ESR2: variants seen among roughly 807,000 people sequenced by gnomAD.
The protein encoded by ESR2 is estrogen receptor beta.
ESR2 carries 36 observed loss-of-function variants against 49.6 expected under a neutral mutation model. The ratio of observed to expected loss-of-function variants is 0.73; its 90% CI spans 0.56 to 0.96. The LOEUF (loss-of-function observed/expected upper bound fraction) is 0.96. Among genes scored for constraint, ESR2 ranks in the 40% least tolerant of loss-of-function variants. The pLI is 0.00. For missense variants in ESR2, 714 were observed against 693.0 expected (o/e 1.03, Z -0.34); for synonymous variants, 320 against 266.1 (o/e 1.20, Z -1.97).
At position 64,283,922 on chromosome 14, in the gene ESR2, TTTTGG is replaced by T. The variant is rs2076737966; in HGVS notation, c.-90-852_-90-848del. ...TCTGTTGCTTCTCAGTTTTGTTTTG[TTTTGG>T]TTTTGTCTTTGTTTTTGAGACAAGG... On this transcript the variant is annotated intron_variant, in intron 1 of 8. Coordinates refer to ENST00000341099, the MANE Select transcript of ESR2 (RefSeq NM_001437.3). Among the ~76,000 whole-genome samples, 4 of 151,878 alleles carry T rather than the reference TTTTGG, an allele frequency of 2.6e-5. No individual in the cohort carries two copies. In the South Asian group the frequency reaches 6.2e-4, roughly 24 times the overall value.
At chr14:64,336,013 G>GTT (rs2077527187) in intron 1 of ESR2, 1 of 143,026 alleles carries the variant, frequency 7.0e-6, no homozygotes, top group Non-Finnish European at 1.5e-5. Flanking sequence ...GTGTGTGTGT[G>GTT]TGTGTGTGTG....
chr14:64,262,128 T>C (rs1256047), intron 4 of ESR2, among the ~76,000 whole-genome samples: 2 of 145,564 alleles, frequency 1.4e-5, no homozygotes, highest in South Asian at 4.3e-4. Context: ...TTTTTTTTTT[T>C]AAGAGACAAG....
intron 6 of ESR2, among the ~76,000 whole-genome samples, chr14:64,252,671 G>A (rs1474723324): frequency 6.6e-6 from 1 of 152,104 alleles, no homozygotes. Flanking sequence ...GCCGGGAGCT[G>A]CCAAACACTT....
chr14:64,251,153 C>T (rs2075979244), intron 6 of ESR2, among the ~76,000 whole-genome samples: 1 of 152,098 alleles, frequency 6.6e-6, no homozygotes, highest in African/African-American at 2.4e-5. Flanking sequence ...CTGATGCAGG[C>T]ATCCAGTAAG....
intron 8 of ESR2, 117 bp downstream of exon 8, chr14:64,234,853 C>T: frequency 6.6e-7 from 1 of 1,505,640 alleles, no homozygotes; most frequent in Non-Finnish European, 8.9e-7. Flanking sequence ...ATTCCCCATT[C>T]CCTTTCAGGC....
At chr14:64,312,380 T>C (rs2077196726) in intron 1 of ESR2, among the ~76,000 whole-genome samples, 1 of 152,088 alleles carries the variant, frequency 6.6e-6, no homozygotes, top group East Asian at 1.9e-4. Flanking sequence ...TAAATGTAAA[T>C]GGTCTAGATA....
intron 1 of ESR2, among the ~76,000 whole-genome samples, chr14:64,302,712 C>G (rs1238537849): frequency 1.3e-5 from 2 of 152,208 alleles, no homozygotes; most frequent in African/African-American, 4.8e-5. Context: ...CCCCACTTTA[C>G]AGGAAAAGTA....
In ESR2 at chr14:64,251,078, A is replaced by G. The variant is rs1353328041; in HGVS notation, c.1092-1399T>C. 5.3e-5 allele frequency among the ~76,000 whole-genome samples: 8 copies of G among 152,282 alleles called. No homozygotes were observed. In the South Asian group the frequency reaches 1.7e-3, roughly 32 times the overall value. ...TTAGAGAATCCAGAGCACTGGGCAA[A>G]GAGTGCCAAATCTACAGGAAGCCTC... On this transcript the variant is annotated intron_variant, in intron 6 of 8. Transcript: ENST00000341099.
upstream of ESR2, chr14:64,294,422 G>A (rs2076925974): frequency 6.6e-6 from 1 of 152,400 alleles, no homozygotes; most frequent in Non-Finnish European, 1.5e-5. Context: ...GGAGGGTAGA[G>A]GGGAGTAGTG....
chr14:64,283,089 C>A lies in ESR2; in HGVS notation c.-90-14G>T. ...CAAGTATAATGGCTGTAAAGAAACA[C>A]AGAAGATATTGCCAAGTTAGAGCTA... On this transcript the variant is annotated splice_polypyrimidine_tract_variant and intron_variant, in intron 1 of 8. Coordinates refer to ENST00000341099, the MANE Select transcript of ESR2 (RefSeq NM_001437.3). 2 of 1,209,994 alleles carry A rather than the reference C, an allele frequency of 1.7e-6. No homozygotes were observed. The highest frequency in any genetic ancestry group is 2.3e-6 in the Non-Finnish European group (2 of 874,528). 75.0% of individuals were successfully genotyped at this position (1,209,994 alleles called of 1,614,324 possible). A position where few individuals can be genotyped will look rare whatever the true frequency, so the allele number is the denominator to read the frequency against.
chr14:64,303,437 G>A (rs1434253437), intron 1 of ESR2: 2 of 148,906 alleles, frequency 1.3e-5, no homozygotes, highest in African/African-American at 5.0e-5. Context: ...GTCAGGGTCA[G>A]TAGTTTGTCT....
intron 3 of ESR2, among the ~76,000 whole-genome samples, chr14:64,269,535 G>T (rs143055284): frequency 6.6e-6 from 1 of 152,290 alleles, no homozygotes; most frequent in East Asian, 1.9e-4. Flanking sequence ...CTTGACCACA[G>T]GACTTTTTAT....
At chr14:64,240,541 G>C (rs2075699173) in intron 7 of ESR2, among the ~76,000 whole-genome samples, 1 of 152,134 alleles carries the variant, frequency 6.6e-6, no homozygotes, top group Non-Finnish European at 1.5e-5. Context: ...GATTCATCCA[G>C]GTATACCTGA....
At chr14:64,271,096 CTTTGA>C (rs746901215) in intron 3 of ESR2, among the ~76,000 whole-genome samples, 3 of 151,998 alleles carry the variant, frequency 2.0e-5, no homozygotes, top group Non-Finnish European at 2.9e-5. Context: ...TATTAAAATA[CTTTGA>C]TTTATCATCT....
intron 3 of ESR2, among the ~76,000 whole-genome samples, chr14:64,278,875 A>AC (rs2076608786): frequency 6.6e-6 from 1 of 152,150 alleles, no homozygotes; most frequent in Non-Finnish European, 1.5e-5. Context: ...TAACCTGAAA[A>AC]ATAAGTTTAG....
At chr14:64,259,159 G>A (rs973089049) in intron 5 of ESR2, among the ~76,000 whole-genome samples, 2 of 152,182 alleles carry the variant, frequency 1.3e-5, no homozygotes, top group African/African-American at 4.8e-5. Flanking sequence ...AAAAAGCAGA[G>A]AAAATAAAAT....
intron 1 of ESR2, among the ~76,000 whole-genome samples, chr14:64,332,539 G>T (rs1453285920): frequency 4.6e-5 from 7 of 152,006 alleles, no homozygotes; most frequent in Non-Finnish European, 7.4e-5. Context: ...GGTGGCTCAC[G>T]CCTGTAATCC....
chr14:64,239,956 G>A (rs1228001734), intron 7 of ESR2, among the ~76,000 whole-genome samples: 2 of 152,136 alleles, frequency 1.3e-5, no homozygotes, highest in East Asian at 3.8e-4. Context: ...TCCCATTCTA[G>A]ACCAAAAGCA....
At chr14:64,300,861 C>A (rs574399596) in intron 1 of ESR2, among the ~76,000 whole-genome samples, 29 of 152,308 alleles carry the variant, frequency 1.9e-4, no homozygotes, top group Non-Finnish European at 4.0e-4. Flanking sequence ...TGTGACAATG[C>A]TCCCTTAATG....
Sources: allele counts gnomAD v4.1 joint callset (sites outside exome capture counted in the v4.1 genomes callset), GRCh38; gene constraint gnomAD v4.1.1; transcripts MANE v1.5; gene names NCBI Gene and HGNC (gene_info 2026-07-23, HGNC 2026-07-21).